PLCB1: variants seen among roughly 807,000 people sequenced by gnomAD.
PLCB1 encodes the protein phospholipase C beta 1, also known as 1-phosphatidylinositol 4,5-bisphosphate phosphodiesterase beta-1.
In PLCB1, 46 loss-of-function variants were observed where a neutral mutation model predicts 161.8. The observed-to-expected ratio is 0.28, with a 90% CI of 0.22 to 0.36. PLCB1 has a LOEUF of 0.36. PLCB1 is among the 10% of genes least tolerant of loss of function. The pLI is 1.00. For synonymous variants in PLCB1, 517 were observed against 503.7 expected, an observed-to-expected ratio of 1.03 and a Z score of -0.35; for missense variants, 1,016 against 1,472.5, an observed-to-expected ratio of 0.69 and a Z score of 5.07.
intron 2 of PLCB1, among the ~76,000 whole-genome samples, chr20:8,267,106 A>G (rs951605915): frequency 7.9e-5 from 12 of 152,040 alleles, no homozygotes; most frequent in African/African-American, 2.9e-4. Flanking sequence ...ACAAGACATG[A>G]CCTGTTAACA....
intron 2 of PLCB1, among the ~76,000 whole-genome samples, chr20:8,359,907 C>T (rs931199009): frequency 6.6e-6 from 1 of 152,072 alleles, no homozygotes; most frequent in Non-Finnish European, 1.5e-5. Flanking sequence ...TCAAGTTTAA[C>T]GTTATTTTCT....
In PLCB1 at chr20:8,318,325, G is replaced by A. The variant is rs370603165; in HGVS notation, c.178-53057G>A. 2.0e-5 allele frequency among the ~76,000 whole-genome samples: 3 copies of A among 152,242 alleles called. No homozygotes were observed. The East Asian group carries it at 5.8e-4, about 29-fold the overall frequency. ...TAACCTGATTTTCTAGTGGGAGAAG[G>A]GGGAGGAATGAAACTTTCAAATAAT... On this transcript the variant is annotated intron_variant, in intron 2 of 31. Transcript: ENST00000338037.
chr20:8,429,582 C>G (rs1415655431), intron 3 of PLCB1, among the ~76,000 whole-genome samples: 1 of 151,926 alleles, frequency 6.6e-6, no homozygotes, highest in South Asian at 2.1e-4. Context: ...GTTTGTAAAA[C>G]TTCAGTTACG....
At chr20:8,647,613 G>A (rs953173897) in intron 5 of PLCB1, among the ~76,000 whole-genome samples, 2 of 152,166 alleles carry the variant, frequency 1.3e-5, no homozygotes, top group African/African-American at 2.4e-5. Flanking sequence ...AAACACAAGA[G>A]TATGATTCCT....
chr20:8,660,445 CA>C (rs2123327655), intron 9 of PLCB1, among the ~76,000 whole-genome samples: 1 of 152,190 alleles, frequency 6.6e-6, no homozygotes, highest in Admixed American at 6.6e-5. Flanking sequence ...ACTAGGAAAA[CA>C]AAAAGCTTTT....
At chr20:8,657,120 C>A in intron 7 of PLCB1, 64 bp from the exon 8 acceptor site, 1 of 870,774 alleles carries the variant, frequency 1.1e-6, no homozygotes, top group Non-Finnish European at 2.0e-6. Context: ...AGAGAAAAAA[C>A]AGGGAGGGAG....
chr20:8,402,982 G>A (rs1238671949), intron 3 of PLCB1, among the ~76,000 whole-genome samples: 2 of 151,676 alleles, frequency 1.3e-5, no homozygotes, highest in Non-Finnish European at 2.9e-5. Context: ...TTAAGTTTAT[G>A]TATTTTGATG....
intron 1 of PLCB1, among the ~76,000 whole-genome samples, chr20:8,137,098 T>G (rs1056830670): frequency 1.7e-4 from 26 of 152,194 alleles, no homozygotes; most frequent in African/African-American, 5.5e-4. Flanking sequence ...ATCAAGTAAC[T>G]CCCTCCTTTA....
intron 26 of PLCB1, among the ~76,000 whole-genome samples, chr20:8,770,669 T>C (rs1040477469): frequency 6.6e-6 from 1 of 152,112 alleles, no homozygotes; most frequent in Non-Finnish European, 1.5e-5. Flanking sequence ...GGCAGGAAGA[T>C]GGGAAGCCGG....
intron 10 of PLCB1, among the ~76,000 whole-genome samples, chr20:8,686,957 T>G (rs1990373317): frequency 6.6e-6 from 1 of 151,914 alleles, no homozygotes; most frequent in Non-Finnish European, 1.5e-5. Context: ...AAAAGATAAT[T>G]TTTTTTTGTC....
chr20:8,880,153 A>G (rs1444152306), intron 31 of PLCB1, among the ~76,000 whole-genome samples: 4 of 152,194 alleles, frequency 2.6e-5, no homozygotes, highest in Admixed American at 2.6e-4. Flanking sequence ...CCTCCAAGCT[A>G]ATAAGGAGGT....
intron 2 of PLCB1, among the ~76,000 whole-genome samples, chr20:8,189,413 A>G (rs2051941943): frequency 6.6e-6 from 1 of 151,408 alleles, no homozygotes; most frequent in Non-Finnish European, 1.5e-5. Context: ...CTAAATGAAC[A>G]TGATGTAGGG....
chr20:8,658,841 T>G (rs1429438031), intron 9 of PLCB1, 137 bp downstream of exon 9: 1 of 697,504 alleles, frequency 1.4e-6, no homozygotes, highest in East Asian at 2.8e-5. Context: ...CTGAAATCAC[T>G]TGGTGGTTCA....
chr20:8,286,644 C>T (rs1600287846), intron 2 of PLCB1, among the ~76,000 whole-genome samples: 1 of 152,084 alleles, frequency 6.6e-6, no homozygotes, highest in East Asian at 1.9e-4. Context: ...TTGTCCATTC[C>T]TCCTTTTGTT....
intron 9 of PLCB1, among the ~76,000 whole-genome samples, chr20:8,678,141 TAAAAC>T: frequency 6.6e-6 from 1 of 152,192 alleles, no homozygotes; most frequent in African/African-American, 2.4e-5. Context: ...AAGCAAATGA[TAAAAC>T]AAGATAATTA....
At chr20:8,742,468 C>G (rs770357488) in intron 23 of PLCB1, among the ~76,000 whole-genome samples, 2 of 152,010 alleles carry the variant, frequency 1.3e-5, no homozygotes, top group Non-Finnish European at 2.9e-5. Flanking sequence ...CGAAAGCATC[C>G]TCGATTTATT....
intron 3 of PLCB1, among the ~76,000 whole-genome samples, chr20:8,402,420 C>T (rs1302966493): frequency 6.6e-6 from 1 of 152,118 alleles, no homozygotes; most frequent in African/African-American, 2.4e-5. Context: ...CTGAGTGTTA[C>T]ATCACTTTGA....
intron 3 of PLCB1, among the ~76,000 whole-genome samples, chr20:8,542,867 C>T (rs1985387821): frequency 6.6e-6 from 1 of 152,170 alleles, no homozygotes; most frequent in African/African-American, 2.4e-5. Context: ...CAAAAATTCT[C>T]TAGGAAGCCA....
At position 8,132,457 on chromosome 20, in the gene PLCB1, G is replaced by A. The variant is rs1025242251; in HGVS notation, c.-195G>A. Reference sequence around the variant, plus strand: ...CGCCCGGGGCATGGCCGGGCGCTGCGCCCCCGCGCGCTCTGCCTGCTGAGC... The same window carrying A: ...CGCCCGGGGCATGGCCGGGCGCTGCACCCCCGCGCGCTCTGCCTGCTGAGC... On this transcript the variant is annotated 5_prime_UTR_variant, in exon 1 of 32. Transcript: ENST00000338037. The surrounding 1 kb of genome is among the most constrained non-coding windows in gnomAD (Gnocchi z 5.2). 3.1e-6 allele frequency: 1 copy of A among 326,038 alleles called. No homozygotes were observed. Among genetic ancestry groups the A allele is most frequent in the Non-Finnish European group, 5.6e-6 (1 of 179,844 alleles). 20.2% of individuals were successfully genotyped at this position (326,038 alleles called of 1,614,324 possible). A position where few individuals can be genotyped will look rare whatever the true frequency, so the allele number is the denominator to read the frequency against.
Sources: allele counts gnomAD v4.1 joint callset (sites outside exome capture counted in the v4.1 genomes callset), GRCh38; gene constraint gnomAD v4.1.1; non-coding constraint Gnocchi (gnomAD v3.1); transcripts MANE v1.5; gene names NCBI Gene and HGNC (gene_info 2026-07-23, HGNC 2026-07-21).